HIPK2: variants seen among roughly 807,000 people sequenced by gnomAD.
HIPK2 encodes the protein homeodomain-interacting protein kinase 2.
A neutral mutation model predicts 113.7 loss-of-function variants in HIPK2; 27 were observed. That is an observed-to-expected ratio of 0.24 (90% CI 0.17 to 0.33). HIPK2 has a LOEUF of 0.33. Among genes scored for constraint, HIPK2 ranks in the 10% least tolerant of loss-of-function variants. HIPK2 has a pLI of 1.00. For synonymous variants in HIPK2, 631 were observed against 642.2 expected (o/e 0.98, Z 0.26); for missense variants, 1,257 against 1,588.0 (o/e 0.79, Z 3.54).
intron 2 of HIPK2, among the ~76,000 whole-genome samples, chr7:139,686,144 C>T (rs1326531042): frequency 6.6e-6 from 1 of 152,082 alleles, no homozygotes; most frequent in African/African-American, 2.4e-5. Flanking sequence ...TTGATTCCAA[C>T]CTACATGGAT....
chr7:139,588,855 G>A (rs1798924515), intron 12 of HIPK2, among the ~76,000 whole-genome samples: 1 of 152,206 alleles, frequency 6.6e-6, no homozygotes, highest in Admixed American at 6.5e-5. Flanking sequence ...GTACTCTGAG[G>A]GCCAGGGGAA....
chr7:139,674,360 T>C (rs1467873475), intron 2 of HIPK2, among the ~76,000 whole-genome samples: 1 of 152,146 alleles, frequency 6.6e-6, no homozygotes, highest in African/African-American at 2.4e-5. Flanking sequence ...ATAAGAAAAA[T>C]TAAATGCTAA....
In HIPK2 at chr7:139,575,127, C is replaced by T; in HGVS notation, c.3126+1G>A. On this transcript the variant is annotated splice_donor_variant, in intron 14 of 14. Coordinates refer to ENST00000406875, the MANE Select transcript of HIPK2 (RefSeq NM_022740.5). LOFTEE classifies it high-confidence loss of function. ...CCTGGGGCGCCAGCTGTGGGGCTTA[C>T]CTGGCTGAGATTGAGTGGCTGCTGC... 6.3e-7 allele frequency: 1 copy of T among 1,591,228 alleles called. No homozygotes were observed. The highest frequency in any genetic ancestry group is 8.6e-7 in the Non-Finnish European group (1 of 1,169,470).
chr7:139,586,943 A>G (rs1798851437), intron 12 of HIPK2, among the ~76,000 whole-genome samples: 1 of 152,092 alleles, frequency 6.6e-6, no homozygotes, highest in African/African-American at 2.4e-5. Flanking sequence ...GCTAGGGGAG[A>G]GGAGAGTGGG....
intron 2 of HIPK2, among the ~76,000 whole-genome samples, chr7:139,657,027 C>T (rs527985495): frequency 1.5e-4 from 23 of 152,292 alleles, no homozygotes; most frequent in Admixed American, 4.6e-4. Flanking sequence ...TGCACCATCA[C>T]GCCTGGCTAA....
At chr7:139,672,546 A>G (rs1458054806) in intron 2 of HIPK2, among the ~76,000 whole-genome samples, 1 of 152,134 alleles carries the variant, frequency 6.6e-6, no homozygotes, top group Non-Finnish European at 1.5e-5. Context: ...GCTCACTGCA[A>G]CCTCTGCCTC....
In HIPK2 at chr7:139,716,628, T is replaced by G. The variant is rs749400694; in HGVS notation, c.407A>C (p.Glu136Ala). 6.2e-7 allele frequency: 1 copy of G among 1,613,848 alleles called. No homozygotes were observed. The highest frequency in any genetic ancestry group is 8.5e-7 in the Non-Finnish European group (1 of 1,179,888). ...CACGCTGCTTGTGTTCTCGATCTCCTCGCTCTTACGCTTGAGTCCACATTT... is the reference window on the plus strand; with the variant it reads ...CACGCTGCTTGTGTTCTCGATCTCCGCGCTCTTACGCTTGAGTCCACATTT... ...YQKCGLKRKS[E>A]EIENTSSVQI... The change falls in exon 2 of 15, where the codon GAG becomes GCG. Residue 136 changes from glutamate (E) to alanine (A), a missense_variant. Glu to Ala is a moderately radical substitution (Grantham distance 107, BLOSUM62 -1). Around this residue, in one of 5 missense-constraint regions of HIPK2, gnomAD observed 209 missense variants for 237.8 expected, o/e 0.88. Transcript: ENST00000406875. This position sits in a 1 kb window ranked among gnomAD's most constrained non-coding sequence, Gnocchi z 9.3.
chr7:139,691,701 TG>T (rs1750265507), intron 2 of HIPK2, among the ~76,000 whole-genome samples: 1 of 152,240 alleles, frequency 6.6e-6, no homozygotes, highest in African/African-American at 2.4e-5. Flanking sequence ...GAGAGCTGGC[TG>T]GGGACCAGCT....
Position 139,567,734 on chromosome 7 carries a change from C to T in HIPK2, c.*5193G>A, listed in dbSNP as rs556223697. The T allele has an allele frequency of 5.3e-5, 8 of 152,362 alleles. No individual in the cohort carries two copies. Among genetic ancestry groups the T allele is most frequent in the South Asian group, 4.1e-4 (2 of 4,820 alleles). The allele number at this position is 152,362 out of a possible 1,614,324, so 9.4% of individuals were successfully genotyped here. A position where few individuals can be genotyped will look rare whatever the true frequency, so the allele number is the denominator to read the frequency against. Reference sequence around the variant, plus strand: ...GTCACTCCTGCTGGCGCTGTGGAGTCCCAGGCTGGCCTGCAGAAGGAACCC... The same window carrying T: ...GTCACTCCTGCTGGCGCTGTGGAGTTCCAGGCTGGCCTGCAGAAGGAACCC... On this transcript the variant is annotated 3_prime_UTR_variant, in exon 15 of 15. Transcript: ENST00000406875.
Position 139,562,131 on chromosome 7 carries a change from TAAAA to T in HIPK2, c.*10792_*10795del, listed in dbSNP as rs1055059876. On this transcript the variant is annotated 3_prime_UTR_variant, in exon 15 of 15. Coordinates refer to ENST00000406875, the MANE Select transcript of HIPK2 (RefSeq NM_022740.5). ...AAAAACAAAAGTAGACATTTATAAA[TAAAA>T]AAGAGGGACAATTCACATAGGAAAA... 1.3e-5 allele frequency: 2 copies of T among 152,130 alleles called. No homozygotes were observed. The highest frequency in any genetic ancestry group is 2.4e-5 in the African/African-American group (1 of 41,418). 9.4% of individuals were successfully genotyped at this position (152,130 alleles called of 1,614,324 possible).
chr7:139,656,346 T>C (rs548779359), intron 2 of HIPK2, among the ~76,000 whole-genome samples: 2 of 152,332 alleles, frequency 1.3e-5, no homozygotes, highest in African/African-American at 2.4e-5. Context: ...AGCAGAACCA[T>C]GATTTTTTCA....
In HIPK2 at chr7:139,626,565, C is replaced by CG. The variant is rs1453670241; in HGVS notation, c.1619+35dup. On this transcript the variant is annotated intron_variant, in intron 6 of 14. Transcript: ENST00000406875. Reference sequence around the variant, plus strand: ...TAGTGTCTGGGCCTTTAAAGTTTGCCGATCCCTGGTACGAAGCATCAGGCA... The same window carrying CG: ...TAGTGTCTGGGCCTTTAAAGTTTGCCGGATCCCTGGTACGAAGCATCAGGCA... The CG allele has an allele frequency of 1.9e-6, 3 of 1,590,054 alleles. No homozygotes were observed. The African/African-American group carries it at 4.0e-5, about 21-fold the overall frequency.
chr7:139,579,579 GATTA>G (rs907292335), intron 13 of HIPK2, among the ~76,000 whole-genome samples: 4 of 151,918 alleles, frequency 2.6e-5, no homozygotes, highest in Non-Finnish European at 5.9e-5. Context: ...AAAGAATGCT[GATTA>G]ATTGTTGATG....
chr7:139,764,989 A>G (rs1275967191), intron 1 of HIPK2, among the ~76,000 whole-genome samples: 2 of 151,838 alleles, frequency 1.3e-5, no homozygotes, highest in Non-Finnish European at 2.9e-5. Flanking sequence ...TACAAAAATT[A>G]GCCGGGCATG....
intron 1 of HIPK2, among the ~76,000 whole-genome samples, chr7:139,762,834 T>C (rs369984797): frequency 6.6e-6 from 1 of 152,136 alleles, no homozygotes; most frequent in Non-Finnish European, 1.5e-5. Flanking sequence ...TGCAGCCTAA[T>C]GGGGAAGGCA....
chr7:139,635,697 G>A (rs973143024), intron 2 of HIPK2, among the ~76,000 whole-genome samples: 2 of 152,064 alleles, frequency 1.3e-5, no homozygotes, highest in African/African-American at 4.8e-5. Flanking sequence ...TACTGTCTGC[G>A]AAGGCCTCTG....
chr7:139,603,777 A>G (rs1211891701), intron 10 of HIPK2, among the ~76,000 whole-genome samples: 1 of 152,186 alleles, frequency 6.6e-6, no homozygotes, highest in Non-Finnish European at 1.5e-5. Context: ...GAAACTACCA[A>G]ACATCATCCA....
chr7:139,670,416 T>C (rs1802222976), intron 2 of HIPK2, among the ~76,000 whole-genome samples: 1 of 114,182 alleles, frequency 8.8e-6, no homozygotes, highest in South Asian at 3.4e-4. Context: ...AGAGCCTATC[T>C]CTACAAAAAA....
At position 139,721,161 on chromosome 7, in the gene HIPK2, G is replaced by T. The variant is rs578075404; in HGVS notation, c.20-4146C>A. On this transcript the variant is annotated intron_variant, in intron 1 of 14. Coordinates refer to ENST00000406875, the MANE Select transcript of HIPK2 (RefSeq NM_022740.5). ...CGCTATTCCAATGACTGGACCCAACGCTCAGTGCAGACGTGTTACCTTTGT... is the reference window on the plus strand; with the variant it reads ...CGCTATTCCAATGACTGGACCCAACTCTCAGTGCAGACGTGTTACCTTTGT... Among the ~76,000 whole-genome samples, 4 of 152,294 alleles carry T rather than the reference G, an allele frequency of 2.6e-5. No homozygotes were observed. In the East Asian group the frequency reaches 7.7e-4, roughly 29 times the overall value.
Sources: allele counts gnomAD v4.1 joint callset (sites outside exome capture counted in the v4.1 genomes callset), GRCh38; gene constraint gnomAD v4.1.1; regional missense constraint gnomAD v4.1.1; non-coding constraint Gnocchi (gnomAD v3.1); transcripts MANE v1.5; gene names NCBI Gene and HGNC (gene_info 2026-07-23, HGNC 2026-07-21).